The following RAB6A variants were observed in gnomAD, a reference collection of about 807,000 sequenced individuals.
The protein encoded by RAB6A is ras-related protein Rab-6A.
A neutral mutation model predicts 32.3 loss-of-function variants in RAB6A; 8 were observed. That is an observed-to-expected ratio of 0.25 (90% CI 0.15 to 0.45). The LOEUF (loss-of-function observed/expected upper bound fraction) is 0.45, where lower values mean the gene tolerates loss of function less well. RAB6A is among the 20% of genes least tolerant of loss of function. The probability of loss-of-function intolerance (pLI) is 1.00; values close to 1 mark genes in which losing one functional copy is unlikely to be tolerated. For missense variants in RAB6A, 104 were observed against 249.4 expected (o/e 0.42, Z 3.93); for synonymous variants, 73 against 82.1 (o/e 0.89, Z 0.60).
intron 7 of RAB6A, among the ~76,000 whole-genome samples, chr11:73,678,776 A>G (rs1161457462): frequency 6.0e-5 from 9 of 148,786 alleles, no homozygotes; most frequent in Non-Finnish European, 8.9e-5. Context: ...CCCAGGCTGG[A>G]GTGCAATGGC....
intron 5 of RAB6A, among the ~76,000 whole-genome samples, chr11:73,707,988 T>C (rs1188833700): frequency 1.3e-5 from 2 of 152,230 alleles, no homozygotes; most frequent in African/African-American, 4.8e-5. Context: ...TTCAAATCTT[T>C]GTGTAAAACA....
intron 6 of RAB6A, among the ~76,000 whole-genome samples, chr11:73,688,821 C>T (rs1489448126): frequency 1.3e-5 from 2 of 152,154 alleles, no homozygotes; most frequent in African/African-American, 4.8e-5. Flanking sequence ...AGTCTAGCAA[C>T]TTTTAAAGGT....
chr11:73,743,064 G>A (rs1312403778), intron 1 of RAB6A, among the ~76,000 whole-genome samples: 2 of 152,102 alleles, frequency 1.3e-5, no homozygotes, highest in African/African-American at 4.8e-5. Context: ...AGCACTTTGG[G>A]AGGCCAAGAC....
chr11:73,746,021 T>C (rs549051362), intron 1 of RAB6A, among the ~76,000 whole-genome samples: 12 of 147,468 alleles, frequency 8.1e-5, no homozygotes, highest in Non-Finnish European at 1.6e-4. Context: ...AAGAAAGAAA[T>C]AGAGATACAA....
At chr11:73,707,353 C>T in intron 6 of RAB6A, 67 bp downstream of exon 6, 1 of 1,182,004 alleles carries the variant, frequency 8.5e-7, no homozygotes, top group Non-Finnish European at 1.3e-6. Flanking sequence ...AACCTATACA[C>T]CAGAGAATAG....
chr11:73,733,094 A>C (rs1471651937), intron 1 of RAB6A, among the ~76,000 whole-genome samples: 1 of 152,122 alleles, frequency 6.6e-6, no homozygotes, highest in Admixed American at 6.6e-5. Context: ...TACAAGCATG[A>C]GCGTCCACAT....
At chr11:73,741,593 G>C (rs1282788216) in intron 1 of RAB6A, among the ~76,000 whole-genome samples, 1 of 151,590 alleles carries the variant, frequency 6.6e-6, no homozygotes, top group Non-Finnish European at 1.5e-5. Flanking sequence ...GGCAAAACTT[G>C]AAAGCAACCA....
rs772090684 is a variant in RAB6A at position 73,679,711 on chromosome 11, G to A, written c.505C>T (p.Arg169Cys). 1.3e-6 allele frequency: 2 copies of A among 1,593,762 alleles called. No homozygotes were observed. Among genetic ancestry groups the A allele is most frequent in the Non-Finnish European group, 1.7e-6 (2 of 1,169,810 alleles). Reference sequence around the variant, plus strand: ...ATTCCCGGCAAAGCTGCTGCTACACGTCGAAAGAGCTGTGGGAAAGAGAGA... The same window carrying A: ...ATTCCCGGCAAAGCTGCTGCTACACATCGAAAGAGCTGTGGGAAAGAGAGA... Reference protein sequence around the residue: ...AGYNVKQLFRRVAAALPGMES... With the variant: ...AGYNVKQLFRCVAAALPGMES... The change falls in exon 7 of 8, where the codon CGT becomes TGT. Residue 169 changes from arginine (R) to cysteine (C), a missense_variant. By Grantham distance (180) the Arg-to-Cys change is radical. Coordinates refer to ENST00000336083, the MANE Select transcript of RAB6A (RefSeq NM_198896.2).
chr11:73,760,545 G>A (rs1946829786), intron 1 of RAB6A, 21 bp downstream of exon 1: 2 of 1,593,864 alleles, frequency 1.3e-6, no homozygotes, highest in Non-Finnish European at 1.7e-6. Context: ...GCTGCCAGGA[G>A]TAGGGGAGCC....
At chr11:73,721,576 A>G (rs1332021704) in intron 2 of RAB6A, among the ~76,000 whole-genome samples, 2 of 152,170 alleles carry the variant, frequency 1.3e-5, no homozygotes, top group Admixed American at 6.5e-5. Flanking sequence ...AAAAGAAAGG[A>G]AAAAAAGTAT....
At chr11:73,680,610 C>T (rs567560223) in intron 6 of RAB6A, among the ~76,000 whole-genome samples, 6 of 152,074 alleles carry the variant, frequency 3.9e-5, no homozygotes, top group Non-Finnish European at 8.8e-5. Flanking sequence ...CAAGATCACG[C>T]CACTGCATTC....
At chr11:73,700,609 T>TGGGGGGGGGGG (rs59223959) in intron 6 of RAB6A, among the ~76,000 whole-genome samples, 6 of 28,614 alleles carry the variant, frequency 2.1e-4, no homozygotes, top group South Asian at 2.3e-3. Flanking sequence ...AGTGTGTGTG[T>TGGGGGGGGGGG]GGGGGGGGGG....
At chr11:73,724,005 T>C (rs1381242414) in intron 2 of RAB6A, among the ~76,000 whole-genome samples, 1 of 152,212 alleles carries the variant, frequency 6.6e-6, no homozygotes, top group Non-Finnish European at 1.5e-5. Flanking sequence ...TGTCAATTCC[T>C]GTACAGCAAA....
At chr11:73,714,709 C>T (rs1332990347) in intron 5 of RAB6A, among the ~76,000 whole-genome samples, 1 of 151,756 alleles carries the variant, frequency 6.6e-6, no homozygotes, top group Non-Finnish European at 1.5e-5. Flanking sequence ...GGCGCGGTGG[C>T]TCACGCCTGG....
intron 1 of RAB6A, among the ~76,000 whole-genome samples, chr11:73,747,187 T>C (rs190230406): frequency 1.4e-4 from 21 of 150,946 alleles, no homozygotes; most frequent in Admixed American, 6.6e-4. Context: ...TTTACCTGGC[T>C]TCCTCTAAGA....
At chr11:73,719,556 A>G (rs11235876) in intron 3 of RAB6A, among the ~76,000 whole-genome samples, 73,265 of 152,040 alleles carry the variant, frequency 0.48, 19,022 homozygotes, top group East Asian at 0.6. Context: ...TACAGGAAGA[A>G]AAGCCTGAAA....
intron 4 of RAB6A, among the ~76,000 whole-genome samples, chr11:73,718,352 AG>A (rs1946083056): frequency 6.6e-6 from 1 of 152,214 alleles, no homozygotes; most frequent in Non-Finnish European, 1.5e-5. Context: ...TACGAATAAC[AG>A]GATACTAAGA....
chr11:73,724,386 A>G (rs1038150824), intron 2 of RAB6A, among the ~76,000 whole-genome samples: 26 of 152,198 alleles, frequency 1.7e-4, no homozygotes, highest in Non-Finnish European at 3.4e-4. Flanking sequence ...TCCTTCTCTG[A>G]AAATAGCAAA....
At chr11:73,727,813 T>C (rs531439911) in intron 2 of RAB6A, among the ~76,000 whole-genome samples, 8 of 152,166 alleles carry the variant, frequency 5.3e-5, no homozygotes, top group Admixed American at 1.3e-4. Flanking sequence ...AGTTAATGAG[T>C]GACAGCCTTA....
Sources: gnomAD v4.1 joint callset for allele counts (sites outside exome capture counted in the v4.1 genomes callset) on GRCh38, gnomAD v4.1.1 for gene constraint, MANE v1.5 for transcripts, NCBI Gene and HGNC (gene_info 2026-07-23, HGNC 2026-07-21) for gene names.